Variants in TRIM2 observed in about 807,000 individuals in gnomAD.
TRIM2 encodes the protein tripartite motif containing 2.
A neutral mutation model predicts 75.2 loss-of-function variants in TRIM2; 20 were observed. The ratio of observed to expected loss-of-function variants is 0.27; its 90% CI spans 0.19 to 0.39. The LOEUF (loss-of-function observed/expected upper bound fraction) is 0.39. TRIM2 is among the 10% of genes least tolerant of loss of function. The pLI, the probability that TRIM2 is intolerant of heterozygous loss-of-function variation, is 1.00. For synonymous variants in TRIM2, 373 were observed against 388.3 expected (o/e 0.96, Z 0.46); for missense variants, 660 against 990.8 (o/e 0.67, Z 4.48).
chr4:153,306,727 C>T (rs1765084479), intron 6 of TRIM2, among the ~76,000 whole-genome samples: 1 of 152,198 alleles, frequency 6.6e-6, no homozygotes, highest in African/African-American at 2.4e-5. Context: ...TGGAGCCAGG[C>T]CATACTGGCT....
Position 153,338,273 on chromosome 4 carries a change from T to C in TRIM2, c.*3307T>C, listed in dbSNP as rs1050196102. On this transcript the variant is annotated 3_prime_UTR_variant, in exon 12 of 12. Transcript: ENST00000338700. ...TACCTACTTAGTTAATTGGAGGAAG[T>C]AGTAAATAAACATTAGGTAATCTGC... is the stretch of plus-strand genomic sequence containing the variant. 5 of 985,726 alleles carry C rather than the reference T, an allele frequency of 5.1e-6. No homozygotes were observed. The African/African-American group carries it at 8.7e-5, about 17-fold the overall frequency. The allele number at this position is 985,726 out of a possible 1,614,324, so 61.1% of individuals were successfully genotyped here. A position where few individuals can be genotyped will look rare whatever the true frequency, so the allele number is the denominator to read the frequency against.
chr4:153,162,849 G>A (rs778265061), intron 1 of TRIM2, among the ~76,000 whole-genome samples: 6 of 152,116 alleles, frequency 3.9e-5, no homozygotes, highest in Non-Finnish European at 8.8e-5. Flanking sequence ...CCACCTGAGG[G>A]GAATTCTCAT....
intron 8 of TRIM2, among the ~76,000 whole-genome samples, chr4:153,317,633 A>G (rs9684349): frequency 0.63 from 94,609 of 150,056 alleles, 30,870 homozygotes; most frequent in African/African-American, 0.81. Context: ...CTGGGCGACA[A>G]AGCAAGACTC....
intron 6 of TRIM2, among the ~76,000 whole-genome samples, chr4:153,302,551 A>G (rs1368449402): frequency 6.6e-6 from 1 of 152,244 alleles, no homozygotes; most frequent in Non-Finnish European, 1.5e-5. Flanking sequence ...CAGAATTGGT[A>G]TCCCAGGCAA....
intron 9 of TRIM2, 81 bp from the exon 10 acceptor site, chr4:153,323,997 T>C (rs894557790): frequency 8.3e-6 from 9 of 1,080,282 alleles, no homozygotes; most frequent in Non-Finnish European, 1.2e-5. Context: ...GTTAATATAT[T>C]AAGTTTGTTT....
intron 1 of TRIM2, among the ~76,000 whole-genome samples, chr4:153,233,545 G>C (rs987150321): frequency 1.3e-5 from 2 of 152,120 alleles, no homozygotes; most frequent in African/African-American, 4.8e-5. Flanking sequence ...CTTTGTTGCT[G>C]AGGTGCTTTT....
At chr4:153,190,216 A>G (rs1733042157) in intron 1 of TRIM2, among the ~76,000 whole-genome samples, 3 of 152,256 alleles carry the variant, frequency 2.0e-5, no homozygotes, top group Admixed American at 2.0e-4. Context: ...TGTAGAGAAG[A>G]TGAATTCTGT....
intron 1 of TRIM2, among the ~76,000 whole-genome samples, chr4:153,218,595 C>A (rs1343017736): frequency 2.6e-5 from 4 of 152,168 alleles, no homozygotes; most frequent in African/African-American, 9.7e-5. Flanking sequence ...TTTAATACAT[C>A]CTTTCCATCT....
intron 1 of TRIM2, among the ~76,000 whole-genome samples, chr4:153,207,526 C>T (rs1735819287): frequency 6.6e-6 from 1 of 152,182 alleles, no homozygotes; most frequent in Non-Finnish European, 1.5e-5. Context: ...TGTGGTCATG[C>T]ATCAAAGTTC....
At chr4:153,155,137 C>T (rs1430980153) in intron 1 of TRIM2, among the ~76,000 whole-genome samples, 5 of 151,760 alleles carry the variant, frequency 3.3e-5, no homozygotes, top group African/African-American at 1.2e-4. Context: ...GAGACTCCGT[C>T]TCAAAAAAAA....
chr4:153,315,938 T>C lies in TRIM2; in HGVS notation c.1721T>C (p.Ile574Thr). The C allele has an allele frequency of 1.2e-6, 2 of 1,606,208 alleles. No individual in the cohort carries two copies. The highest frequency in any genetic ancestry group is 1.7e-6 in the Non-Finnish European group (2 of 1,177,836). ...GTGGCTGTACATCCCAGTGGGGACA[T>C]AATCATTGCCGATTATGATAATAAA... ...TGVAVHPSGD[I>T]IIADYDNKWV... The change falls in exon 8 of 12, where the codon ATA becomes ACA. Residue 574 changes from isoleucine to threonine, a missense_variant. By Grantham distance (89) the Ile-to-Thr change is moderately conservative (BLOSUM62 -1). Coordinates refer to ENST00000338700, the MANE Select transcript of TRIM2 (RefSeq NM_015271.5).
intron 6 of TRIM2, among the ~76,000 whole-genome samples, chr4:153,314,442 AAG>A (rs1474472774): frequency 4.7e-5 from 7 of 150,004 alleles, no homozygotes; most frequent in Admixed American, 1.3e-4. Flanking sequence ...AAAAAAAAAA[AAG>A]AGAGTCTAGT....
intron 8 of TRIM2, among the ~76,000 whole-genome samples, chr4:153,320,029 T>C (rs1251660852): frequency 6.6e-6 from 1 of 152,248 alleles, no homozygotes; most frequent in Non-Finnish European, 1.5e-5. Context: ...ACTACAAGTG[T>C]TCATAATGTT....
At chr4:153,265,299 C>T (rs1188602149) in intron 1 of TRIM2, among the ~76,000 whole-genome samples, 2 of 151,016 alleles carry the variant, frequency 1.3e-5, no homozygotes, top group Non-Finnish European at 3.0e-5. Flanking sequence ...TAACTGATTT[C>T]GACGGAAAAG....
chr4:153,173,998 A>G (rs972375959), intron 1 of TRIM2, among the ~76,000 whole-genome samples: 3 of 150,344 alleles, frequency 2.0e-5, no homozygotes, highest in African/African-American at 7.4e-5. Flanking sequence ...ATACATAAAA[A>G]CAAAAGGAAA....
At chr4:153,229,928 G>GTC (rs1743163829) in intron 1 of TRIM2, among the ~76,000 whole-genome samples, 2 of 152,172 alleles carry the variant, frequency 1.3e-5, no homozygotes, top group Admixed American at 6.5e-5. Context: ...GTACTGCCAG[G>GTC]TCTTTCTACC....
intron 1 of TRIM2, among the ~76,000 whole-genome samples, chr4:153,244,307 C>CTCTTCTTCT (rs1747894442): frequency 2.3e-5 from 1 of 42,570 alleles, no homozygotes; most frequent in Non-Finnish European, 3.9e-5. Context: ...CCTCCTCCTC[C>CTCTTCTTCT]TCCTCCTCCT....
At chr4:153,249,069 T>G (rs528816038) in intron 1 of TRIM2, among the ~76,000 whole-genome samples, 20 of 152,370 alleles carry the variant, frequency 1.3e-4, no homozygotes, top group African/African-American at 4.3e-4. Context: ...GCTCCCAGCT[T>G]TTAATGCTGT....
chr4:153,168,683 A>G (rs1730550836), intron 1 of TRIM2, among the ~76,000 whole-genome samples: 1 of 110,548 alleles, frequency 9.0e-6, no homozygotes, highest in Admixed American at 8.6e-5. Context: ...AGTTTTTCTG[A>G]AAAAAAAAAA....
Sources: gnomAD v4.1 joint callset for allele counts (sites outside exome capture counted in the v4.1 genomes callset) on GRCh38, gnomAD v4.1.1 for gene constraint, MANE v1.5 for transcripts, NCBI Gene and HGNC (gene_info 2026-07-23, HGNC 2026-07-21) for gene names.